The following ANKRD55 variants were observed in gnomAD, a reference collection of about 807,000 sequenced individuals.
The protein encoded by ANKRD55 is ankyrin repeat domain 55, also known as ankyrin repeat domain-containing protein 55.
ANKRD55 carries 41 observed loss-of-function variants against 60.6 expected under a neutral mutation model. The ratio of observed to expected loss-of-function variants is 0.68; its 90% CI spans 0.53 to 0.88. The LOEUF (loss-of-function observed/expected upper bound fraction) is 0.88, where lower values mean the gene tolerates loss of function less well. Among genes scored for constraint, ANKRD55 ranks in the 40% least tolerant of loss-of-function variants. The pLI, the probability that ANKRD55 is intolerant of heterozygous loss-of-function variation, is 0.00. For missense variants in ANKRD55, 732 were observed against 767.6 expected, an observed-to-expected ratio of 0.95 and a Z score of 0.55; for synonymous variants, 264 against 290.3, an observed-to-expected ratio of 0.91 and a Z score of 0.92.
intron 8 of ANKRD55, among the ~76,000 whole-genome samples, chr5:56,119,447 T>G (rs1756975732): frequency 6.6e-6 from 1 of 152,206 alleles, no homozygotes; most frequent in Non-Finnish European, 1.5e-5. Flanking sequence ...AGGGCTTGAC[T>G]ATATGGAAGG....
At chr5:56,215,556 C>A (rs781574759) in intron 2 of ANKRD55, among the ~76,000 whole-genome samples, 1 of 152,200 alleles carries the variant, frequency 6.6e-6, no homozygotes, top group Non-Finnish European at 1.5e-5. Context: ...CCACCATCAC[C>A]TTTTCCTTCT....
At chr5:56,202,317 GA>G (rs371937946) in intron 2 of ANKRD55, among the ~76,000 whole-genome samples, 2,914 of 143,762 alleles carry the variant, frequency 0.02, 28 homozygotes, top group Middle Eastern at 0.059. Flanking sequence ...GAAAGTTAAA[GA>G]AAAAAAAAAA....
intron 6 of ANKRD55, among the ~76,000 whole-genome samples, chr5:56,151,898 T>C (rs1758060653): frequency 6.9e-6 from 1 of 144,986 alleles, no homozygotes; most frequent in Non-Finnish European, 1.5e-5. Flanking sequence ...CATACACACG[T>C]ATATGTGTGT....
At chr5:56,101,051 C>A (rs1280889798) in intron 11 of ANKRD55, among the ~76,000 whole-genome samples, 4 of 152,166 alleles carry the variant, frequency 2.6e-5, no homozygotes, top group Non-Finnish European at 2.9e-5. Context: ...CTCTGTGTGA[C>A]CTTGGACATA....
Position 56,166,086 on chromosome 5 carries a change from T to TTTTTCTTTCTTTCTTTC in ANKRD55, c.422+4607_422+4608insGAAAGAAAGAAAGAAAA, listed in dbSNP as rs1554040774. ...CACCCTTCAGGGATCTTTCTTTTCT[T>TTTTTCTTTCTTTCTTTC]TTTCTTTCTTTCTTTCTTTCTTTCT... On this transcript the variant is annotated intron_variant, in intron 5 of 11. Transcript: ENST00000341048. Among the ~76,000 whole-genome samples the TTTTTCTTTCTTTCTTTC allele has an allele frequency of 3.0e-3, 273 of 91,842 alleles. 5 individuals are homozygous for TTTTTCTTTCTTTCTTTC. The highest frequency in any genetic ancestry group is 0.016 in the East Asian group (46 of 2,926). The allele number at this position is 91,842 out of a possible 152,430, so 60.3% of individuals were successfully genotyped here.
At chr5:56,232,663 C>T (rs1760285466) in intron 2 of ANKRD55, among the ~76,000 whole-genome samples, 193 bp downstream of exon 2, 1 of 151,908 alleles carries the variant, frequency 6.6e-6, no homozygotes, top group South Asian at 2.1e-4. Context: ...TAGAAGTGAA[C>T]ATTTTGAACA....
At chr5:56,166,158 T>TTTCTTTCTTTCTTCTTTCCTTCCTTCC (rs1554040812) in intron 5 of ANKRD55, among the ~76,000 whole-genome samples, 5 of 72,338 alleles carry the variant, frequency 6.9e-5, no homozygotes, top group Non-Finnish European at 7.8e-5. Context: ...TTCTTTCTTC[T>TTTCTTTCTTTCTTCTTTCCTTCCTTCC]TTCCTTCCTT....
chr5:56,186,060 G>C (rs1173894638), intron 2 of ANKRD55, among the ~76,000 whole-genome samples: 1 of 152,256 alleles, frequency 6.6e-6, no homozygotes, highest in Non-Finnish European at 1.5e-5. Flanking sequence ...CCACTCCTGT[G>C]ATGAGCGCAA....
At chr5:56,128,508 C>A (rs1344437720) in intron 7 of ANKRD55, among the ~76,000 whole-genome samples, 2 of 152,308 alleles carry the variant, frequency 1.3e-5, no homozygotes, top group South Asian at 4.2e-4. Flanking sequence ...GACTCCATAC[C>A]TTTACTCTTT....
chr5:56,214,212 T>G (rs1019529291), intron 2 of ANKRD55, among the ~76,000 whole-genome samples: 3 of 152,152 alleles, frequency 2.0e-5, no homozygotes, highest in African/African-American at 7.2e-5. Context: ...GAGATTTGGG[T>G]GGGGGCACAG....
At chr5:56,172,887 A>G (rs902391562) in intron 4 of ANKRD55, among the ~76,000 whole-genome samples, 2 of 152,220 alleles carry the variant, frequency 1.3e-5, no homozygotes, top group Non-Finnish European at 2.9e-5. Flanking sequence ...AGGGAAAAAA[A>G]GCAGGCAGGG....
chr5:56,177,662 C>A (rs1181507993), intron 3 of ANKRD55, among the ~76,000 whole-genome samples: 1 of 152,032 alleles, frequency 6.6e-6, no homozygotes, highest in Non-Finnish European at 1.5e-5. Context: ...ATGATCCCAG[C>A]TACTCAGGAG....
chr5:56,162,682 T>TC (rs1193067233), intron 5 of ANKRD55, among the ~76,000 whole-genome samples: 2 of 151,422 alleles, frequency 1.3e-5, no homozygotes, highest in East Asian at 3.9e-4. Flanking sequence ...AATTTTTTTT[T>TC]TTTTTGAGAC....
At chr5:56,109,266 G>A (rs893312156) in intron 10 of ANKRD55, among the ~76,000 whole-genome samples, 3 of 152,190 alleles carry the variant, frequency 2.0e-5, no homozygotes, top group Non-Finnish European at 4.4e-5. Flanking sequence ...GGACTGGACT[G>A]AACTGAACTG....
chr5:56,106,105 C>A (rs538891975), intron 10 of ANKRD55, among the ~76,000 whole-genome samples: 4 of 152,304 alleles, frequency 2.6e-5, no homozygotes, highest in South Asian at 4.1e-4. Flanking sequence ...ATGTTCAGGG[C>A]TGCTGATGTA....
chr5:56,136,910 G>A (rs1453540022), intron 7 of ANKRD55: 2 of 405,964 alleles, frequency 4.9e-6, no homozygotes, highest in Admixed American at 3.5e-5. Flanking sequence ...GAGACAGAGT[G>A]AATTCTAAAA....
chr5:56,127,525 G>A (rs1460511837), intron 7 of ANKRD55: 8 of 985,262 alleles, frequency 8.1e-6, no homozygotes, highest in Non-Finnish European at 8.4e-6. Flanking sequence ...TCATCTTAAT[G>A]TTAAAGAAGT....
chr5:56,219,052 C>T (rs1305424633), intron 2 of ANKRD55, among the ~76,000 whole-genome samples: 1 of 152,028 alleles, frequency 6.6e-6, no homozygotes, highest in African/African-American at 2.4e-5. Context: ...GCGGGCGGAT[C>T]ACTTGAGGTC....
At chr5:56,166,605 T>G (rs569707205) in intron 5 of ANKRD55, among the ~76,000 whole-genome samples, 22 of 151,156 alleles carry the variant, frequency 1.5e-4, no homozygotes, top group African/African-American at 4.6e-4. Flanking sequence ...TATGGTGAAA[T>G]AAGATAACGA....
Sources: allele counts gnomAD v4.1 joint callset (sites outside exome capture counted in the v4.1 genomes callset), GRCh38; gene constraint gnomAD v4.1.1; transcripts MANE v1.5; gene names NCBI Gene and HGNC (gene_info 2026-07-23, HGNC 2026-07-21).